LIMS2: variants seen among roughly 807,000 people sequenced by gnomAD.
LIMS2 encodes the protein LIM and senescent cell antigen-like-containing domain protein 2.
Under a neutral mutation model 45.3 loss-of-function variants are expected in LIMS2, and 30 were observed. That is an observed-to-expected ratio of 0.66 (90% CI 0.50 to 0.90). LIMS2 has a LOEUF of 0.90. LIMS2 is among the 40% of genes least tolerant of loss of function. The pLI is 0.00. For missense variants in LIMS2, 485 were observed against 468.7 expected (o/e 1.03, Z -0.32); for synonymous variants, 173 against 188.0 (o/e 0.92, Z 0.65).
rs774115734 is a variant in LIMS2 at position 127,651,001 on chromosome 2, T to C, written c.359+3423A>G. On this transcript the variant is annotated intron_variant, in intron 4 of 9. Transcript: ENST00000355119. ...GTGCTGGTCCTGCCCACCCGCCTGGTCTACCACTTCTCTGGGAACCACTGG... is the reference window on the plus strand; with the variant it reads ...GTGCTGGTCCTGCCCACCCGCCTGGCCTACCACTTCTCTGGGAACCACTGG... 3 of 1,613,796 alleles carry C rather than the reference T, an allele frequency of 1.9e-6. No homozygotes were observed. The Admixed American group carries it at 5.0e-5, about 27-fold the overall frequency.
Position 127,642,739 on chromosome 2 carries a change from A to G in LIMS2, c.509+184T>C, listed in dbSNP as rs931447666. The G allele has an allele frequency of 4.6e-6, 3 of 653,026 alleles. No individual in the cohort carries two copies. The highest frequency in any genetic ancestry group is 5.6e-5 in the East Asian group (2 of 35,454). The allele number at this position is 653,026 out of a possible 1,614,324, so 40.5% of individuals were successfully genotyped here. On this transcript the variant is annotated intron_variant, in intron 5 of 9. Coordinates refer to ENST00000355119, the MANE Select transcript of LIMS2 (RefSeq NM_001161403.3). This position sits in a 1 kb window ranked among gnomAD's most constrained non-coding sequence, Gnocchi z 5.3. ...GCCCTGGAGAGAGAAGCTTCCTGCC[A>G]TGGCTGCTTCCCAGCCCCCAGCCCA...
intron 4 of LIMS2, among the ~76,000 whole-genome samples, chr2:127,654,200 G>A (rs1684074906): frequency 6.6e-6 from 1 of 152,130 alleles, no homozygotes; most frequent in Non-Finnish European, 1.5e-5. Flanking sequence ...ATTTCTCATG[G>A]CTCCCGAGAG....
chr2:127,666,329 G>C (rs1053316357), intron 1 of LIMS2, among the ~76,000 whole-genome samples: 1 of 152,074 alleles, frequency 6.6e-6, no homozygotes, highest in African/African-American at 2.4e-5. Flanking sequence ...TCCACCAAAG[G>C]TTTTCAGTAA....
intron 4 of LIMS2, 38 bp downstream of exon 4, chr2:127,654,385 TG>T (rs1684094763): frequency 1.9e-6 from 3 of 1,613,218 alleles, no homozygotes; most frequent in Middle Eastern, 3.4e-4. Context: ...CAGGAAGGGC[TG>T]TGGCCCAGTC....
intron 4 of LIMS2, chr2:127,651,400 G>T (rs763475267): frequency 3.1e-6 from 5 of 1,612,740 alleles, no homozygotes; most frequent in Non-Finnish European, 2.5e-6. Context: ...CTGCGGCAGG[G>T]CCTGCGTGTG....
In LIMS2 at chr2:127,653,565, T is replaced by C. The variant is rs563660516; in HGVS notation, c.359+859A>G. Among the ~76,000 whole-genome samples the C allele has an allele frequency of 4.1e-4, 62 of 152,026 alleles. No homozygotes were observed. The highest frequency in any genetic ancestry group is 6.8e-4 in the Non-Finnish European group (46 of 67,948). ...GCACGGAGCCCCAGACGACTCCCCA[T>C]GGAGAGACAGGGAGAAAGGTGACTC... is the stretch of plus-strand genomic sequence containing the variant. On this transcript the variant is annotated intron_variant, in intron 4 of 9. Coordinates refer to ENST00000355119, the MANE Select transcript of LIMS2 (RefSeq NM_001161403.3). This position sits in a 1 kb window ranked among gnomAD's most constrained non-coding sequence, Gnocchi z 5.3.
intron 4 of LIMS2, chr2:127,652,116 G>A (rs533063559): frequency 6.9e-6 from 2 of 290,476 alleles, no homozygotes; most frequent in South Asian, 6.5e-5. Context: ...GCGAGGCTCA[G>A]CAGAAAGACC....
chr2:127,639,086 A>G lies in LIMS2; in HGVS notation c.*195T>C. 1.6e-6 allele frequency: 1 copy of G among 619,510 alleles called. No individual in the cohort carries two copies. Among genetic ancestry groups the G allele is most frequent in the South Asian group, 2.1e-5 (1 of 48,754 alleles). 38.4% of individuals were successfully genotyped at this position (619,510 alleles called of 1,614,324 possible). On this transcript the variant is annotated 3_prime_UTR_variant, in exon 10 of 10. Coordinates refer to ENST00000355119, the MANE Select transcript of LIMS2 (RefSeq NM_001161403.3). ...CTCCCCAGCTCCTGCCTCCTCACAG[A>G]CAGAAGCCACGGCCAAGGAGAGGAG...
chr2:127,651,763 G>A (rs35201354), intron 4 of LIMS2: 2 of 1,608,872 alleles, frequency 1.2e-6, no homozygotes, highest in Admixed American at 1.7e-5. Flanking sequence ...TGAGCGGGGG[G>A]CGCCGTCCAG....
At chr2:127,650,382 C>G (rs1683606555) in intron 4 of LIMS2, 4 of 532,270 alleles carry the variant, frequency 7.5e-6, no homozygotes, top group Non-Finnish European at 1.0e-5. Context: ...AGAGCCTCAC[C>G]CAGGCAAGGC....
chr2:127,643,949 C>A, intron 4 of LIMS2: 1 of 422,532 alleles, frequency 2.4e-6, no homozygotes, highest in Non-Finnish European at 4.8e-6. Flanking sequence ...CTCTGACAGG[C>A]TGGTCAGGGA....
chr2:127,650,637 G>GC, intron 4 of LIMS2: 1 of 992,970 alleles, frequency 1.0e-6, no homozygotes, highest in Non-Finnish European at 1.5e-6. Flanking sequence ...GGCATTGGAG[G>GC]CCTGACTTCT....
rs754649106 is a variant in LIMS2, at chr2:127,653,961, G to A, written c.359+463C>T. ...CTCAGAGCTAGGGCCAGGGGAGGTG[G>A]GAGACAAGGCCACCTGCTATAGGGA... On this transcript the variant is annotated intron_variant, in intron 4 of 9. Coordinates refer to ENST00000355119, the MANE Select transcript of LIMS2 (RefSeq NM_001161403.3). This position sits in a 1 kb window ranked among gnomAD's most constrained non-coding sequence, Gnocchi z 5.3. Among the ~76,000 whole-genome samples the A allele has an allele frequency of 1.9e-4, 29 of 152,168 alleles. No homozygotes were observed. The highest frequency in any genetic ancestry group is 2.8e-4 in the Non-Finnish European group (19 of 67,996).
At chr2:127,661,615 C>T (rs1684666859) in intron 1 of LIMS2, among the ~76,000 whole-genome samples, 1 of 152,228 alleles carries the variant, frequency 6.6e-6, no homozygotes, top group African/African-American at 2.4e-5. Flanking sequence ...CTGCCCAGGG[C>T]ACACCCAGCC....
chr2:127,681,286 TC>T (rs1207926819), intron 1 of LIMS2: 1 of 152,500 alleles, frequency 6.6e-6, no homozygotes, highest in Non-Finnish European at 1.5e-5. Context: ...GGAAAGGACC[TC>T]CCGGGGCCCT....
chr2:127,646,374 T>G (rs1558874257), intron 4 of LIMS2: 1 of 152,228 alleles, frequency 6.6e-6, no homozygotes. Flanking sequence ...TGGTCTGACC[T>G]GTGCATCGAA....
intron 1 of LIMS2, among the ~76,000 whole-genome samples, chr2:127,661,776 C>G (rs762773776): frequency 1.4e-4 from 21 of 152,188 alleles, no homozygotes; most frequent in Non-Finnish European, 2.1e-4. Flanking sequence ...ATCAGAGGAG[C>G]CTGCTCTGTT....
intron 4 of LIMS2, among the ~76,000 whole-genome samples, chr2:127,645,040 G>A (rs1440782359): frequency 6.6e-6 from 1 of 152,204 alleles, no homozygotes; most frequent in Non-Finnish European, 1.5e-5. Flanking sequence ...TCAAATCTAA[G>A]AATTCTAAAT....
At chr2:127,665,621 A>G (rs1208877595) in intron 1 of LIMS2, among the ~76,000 whole-genome samples, 1 of 152,268 alleles carries the variant, frequency 6.6e-6, no homozygotes, top group Non-Finnish European at 1.5e-5. Context: ...AGAGGAGCCA[A>G]AATGAATAGG....
Sources: allele counts gnomAD v4.1 joint callset (sites outside exome capture counted in the v4.1 genomes callset), GRCh38; gene constraint gnomAD v4.1.1; non-coding constraint Gnocchi (gnomAD v3.1); transcripts MANE v1.5; gene names NCBI Gene and HGNC (gene_info 2026-07-23, HGNC 2026-07-21).